Variants in IGSF21 observed in about 807,000 individuals in gnomAD.
The protein encoded by IGSF21 is immunoglobulin superfamily member 21.
A neutral mutation model predicts 46.8 loss-of-function variants in IGSF21; 28 were observed. The observed-to-expected ratio is 0.60, with a 90% CI of 0.44 to 0.82. The LOEUF is 0.82. IGSF21 is among the 40% of genes least tolerant of loss of function. The pLI, the probability that IGSF21 is intolerant of heterozygous loss-of-function variation, is 0.00. For synonymous variants in IGSF21, 284 were observed against 273.6 expected, an observed-to-expected ratio of 1.04 and a Z score of -0.38; for missense variants, 624 against 665.5, an observed-to-expected ratio of 0.94 and a Z score of 0.69.
At chr1:18,151,909 T>C (rs976550279) in intron 1 of IGSF21, among the ~76,000 whole-genome samples, 1 of 152,176 alleles carries the variant, frequency 6.6e-6, no homozygotes, top group African/African-American at 2.4e-5. Context: ...CACTAATGAT[T>C]ATCCTCTGAA....
chr1:18,194,834 C>T (rs2086992193), intron 1 of IGSF21, among the ~76,000 whole-genome samples: 1 of 152,160 alleles, frequency 6.6e-6, no homozygotes, highest in African/African-American at 2.4e-5. Flanking sequence ...TAAAGACACA[C>T]CCAAGACTGG....
At chr1:18,135,947 G>T (rs1279741621) in intron 1 of IGSF21, among the ~76,000 whole-genome samples, 1 of 152,062 alleles carries the variant, frequency 6.6e-6, no homozygotes, top group African/African-American at 2.4e-5. Flanking sequence ...TTTTAATGAT[G>T]GCCATTCTGA....
chr1:18,329,443 C>T (rs2085690662), intron 3 of IGSF21, among the ~76,000 whole-genome samples: 1 of 152,220 alleles, frequency 6.6e-6, no homozygotes, highest in South Asian at 2.1e-4. Context: ...GGGCTCTTGA[C>T]TCCTGGTGCA....
intron 2 of IGSF21, among the ~76,000 whole-genome samples, chr1:18,255,260 TG>T (rs1470039416): frequency 1.3e-5 from 2 of 152,162 alleles, no homozygotes; most frequent in Admixed American, 1.3e-4. Context: ...TGCACTCCCC[TG>T]GGTACCTGCT....
chr1:18,154,753 A>G (rs372598299), intron 1 of IGSF21, among the ~76,000 whole-genome samples: 13 of 152,060 alleles, frequency 8.5e-5, no homozygotes, highest in South Asian at 6.2e-4. Flanking sequence ...GCTTTGTGTA[A>G]CCAAATTCGT....
intron 1 of IGSF21, among the ~76,000 whole-genome samples, chr1:18,144,176 G>A (rs2086444428): frequency 6.6e-6 from 1 of 152,114 alleles, no homozygotes; most frequent in African/African-American, 2.4e-5. Flanking sequence ...GAGGAAGGAG[G>A]ACAGGCCAGC....
intron 1 of IGSF21, among the ~76,000 whole-genome samples, chr1:18,181,975 C>G (rs1199740730): frequency 1.3e-5 from 2 of 152,268 alleles, no homozygotes; most frequent in East Asian, 3.9e-4. Context: ...AGTTGTCCAG[C>G]TAGGAATTTC....
At chr1:18,316,573 G>C (rs750843688) in intron 3 of IGSF21, among the ~76,000 whole-genome samples, 2 of 152,122 alleles carry the variant, frequency 1.3e-5, no homozygotes, top group Non-Finnish European at 2.9e-5. Context: ...TGCAACCCCT[G>C]TCCCTAGGTC....
chr1:18,148,738 A>G (rs1570268835), intron 1 of IGSF21, among the ~76,000 whole-genome samples: 1 of 152,264 alleles, frequency 6.6e-6, no homozygotes, highest in African/African-American at 2.4e-5. Flanking sequence ...GTAAGCATAG[A>G]CCCTGCCCTC....
chr1:18,285,035 C>T (rs1306838996), intron 2 of IGSF21, among the ~76,000 whole-genome samples: 6 of 152,352 alleles, frequency 3.9e-5, no homozygotes, highest in African/African-American at 1.2e-4. Flanking sequence ...GCAGTTTTCA[C>T]TCTCTGCCAC....
chr1:18,312,777 A>G (rs1486419089), intron 3 of IGSF21, among the ~76,000 whole-genome samples: 2 of 152,318 alleles, frequency 1.3e-5, no homozygotes, highest in Middle Eastern at 3.4e-3. Context: ...CCCTTCTGCC[A>G]CTAAGGAAAC....
At chr1:18,353,946 C>T (rs2124622790) in intron 4 of IGSF21, among the ~76,000 whole-genome samples, 1 of 152,314 alleles carries the variant, frequency 6.6e-6, no homozygotes, top group South Asian at 2.1e-4. Context: ...AACAAACAGA[C>T]ATTGAAATTG....
chr1:18,285,189 CTT>C (rs11346536), intron 2 of IGSF21, among the ~76,000 whole-genome samples: 425 of 140,442 alleles, frequency 3.0e-3, no homozygotes, highest in Admixed American at 4.4e-3. Flanking sequence ...TTCCCCTTTT[CTT>C]TTTTTTTTTT....
At chr1:18,134,956 G>A (rs1020572235) in intron 1 of IGSF21, among the ~76,000 whole-genome samples, 9 of 152,254 alleles carry the variant, frequency 5.9e-5, no homozygotes, top group Non-Finnish European at 8.8e-5. Context: ...GGCTGCTACT[G>A]AGCATATGCT....
At chr1:18,329,470 C>T (rs2085691372) in intron 3 of IGSF21, among the ~76,000 whole-genome samples, 1 of 152,158 alleles carries the variant, frequency 6.6e-6, no homozygotes, top group Admixed American at 6.5e-5. Flanking sequence ...TTCCACTAAC[C>T]TCATTCATAC....
chr1:18,234,590 A>C (rs1030695718), intron 2 of IGSF21, among the ~76,000 whole-genome samples: 1 of 152,156 alleles, frequency 6.6e-6, no homozygotes, highest in Admixed American at 6.5e-5. Context: ...GGAAACTTAC[A>C]ATCATGGTGG....
chr1:18,167,463 C>A (rs1318134835), intron 1 of IGSF21, among the ~76,000 whole-genome samples: 1 of 152,172 alleles, frequency 6.6e-6, no homozygotes, highest in Non-Finnish European at 1.5e-5. Flanking sequence ...AGCCTAAATT[C>A]TCTGCATGCA....
intron 2 of IGSF21, among the ~76,000 whole-genome samples, chr1:18,275,986 C>T (rs1167857920): frequency 3.9e-5 from 6 of 152,182 alleles, no homozygotes; most frequent in Non-Finnish European, 1.5e-5. Context: ...TCCGCCGTGC[C>T]CATATCTTTG....
intron 1 of IGSF21, among the ~76,000 whole-genome samples, chr1:18,193,733 G>C (rs1032594990): frequency 7.9e-5 from 12 of 152,122 alleles, no homozygotes; most frequent in Non-Finnish European, 1.8e-4. Flanking sequence ...ACTCACCCAG[G>C]ATTAATACTT....
Sources: allele counts gnomAD v4.1 joint callset (sites outside exome capture counted in the v4.1 genomes callset), GRCh38; gene constraint gnomAD v4.1.1; transcripts MANE v1.5; gene names NCBI Gene and HGNC (gene_info 2026-07-23, HGNC 2026-07-21).